ZNF121: variants seen among roughly 807,000 people sequenced by gnomAD.
ZNF121 encodes zinc finger protein 121 (clone ZHC32).
Under a neutral mutation model 2.4 loss-of-function variants are expected in ZNF121, and 1 was observed. That is an observed-to-expected ratio of 0.41 (90% CI 0.15 to 1.94). The LOEUF is 1.94. Ranked by LOEUF, ZNF121 falls within the 30% of genes most tolerant of loss-of-function variation. ZNF121 has a pLI of 0.30. For synonymous variants in ZNF121, 173 were observed against 158.6 expected, an observed-to-expected ratio of 1.09 and a Z score of -0.68; for missense variants, 369 against 466.3, an observed-to-expected ratio of 0.79 and a Z score of 1.92.
intron 1 of ZNF121, among the ~76,000 whole-genome samples, chr19:9,573,235 A>G (rs928942942): frequency 2.6e-5 from 4 of 152,220 alleles, no homozygotes; most frequent in Admixed American, 6.5e-5. Flanking sequence ...AGAATTCAAA[A>G]TAACAGTTTT....
In ZNF121 at chr19:9,560,485, T is replaced by C. The variant is rs937617019; in HGVS notation, c.*5455A>G. On this transcript the variant is annotated 3_prime_UTR_variant, in exon 4 of 4. Coordinates refer to ENST00000320451, the MANE Select transcript of ZNF121 (RefSeq NM_001008727.5). ...TTGCGTGGCTGACACTCAATACCCA[T>C]TGAACAACTCATTTTCTCCTCCACC... 1.3e-5 allele frequency: 2 copies of C among 152,196 alleles called. No homozygotes were observed. The highest frequency in any genetic ancestry group is 2.9e-5 in the Non-Finnish European group (2 of 68,022). The allele number at this position is 152,196 out of a possible 1,614,324, so 9.4% of individuals were successfully genotyped here. A position where few individuals can be genotyped will look rare whatever the true frequency, so the allele number is the denominator to read the frequency against.
Position 9,563,095 on chromosome 19 carries a change from G to A in ZNF121, c.*2845C>T, listed in dbSNP as rs1056615372. On this transcript the variant is annotated 3_prime_UTR_variant, in exon 4 of 4. Coordinates refer to ENST00000320451, the MANE Select transcript of ZNF121 (RefSeq NM_001008727.5). ...AAAAACTGGGATAGGCCAAAATCTAGGCCTCTTGTGCCAGTTAGCCAAGTT... is the reference window on the plus strand; with the variant it reads ...AAAAACTGGGATAGGCCAAAATCTAAGCCTCTTGTGCCAGTTAGCCAAGTT... The A allele has an allele frequency of 1.4e-5, 2 of 146,874 alleles. No homozygotes were observed. Among genetic ancestry groups the A allele is most frequent in the African/African-American group, 2.5e-5 (1 of 40,146 alleles). The allele number at this position is 146,874 out of a possible 1,614,324, so 9.1% of individuals were successfully genotyped here.
At position 9,567,023 on chromosome 19, in the gene ZNF121, C is replaced by G. The variant is rs767342680; in HGVS notation, c.90G>C (p.Met30Ile). The G allele has an allele frequency of 1.8e-5, 29 of 1,614,004 alleles. No individual in the cohort carries two copies. The highest frequency in any genetic ancestry group is 2.5e-5 in the Non-Finnish European group (29 of 1,180,040). Residue 30 changes from methionine (M) to isoleucine (I), a missense_variant, in exon 4 of 4, where the codon ATG (methionine) becomes ATC (isoleucine). This residue lies in a region of ZNF121 where 168 missense variants were observed against 162.3 expected (regional missense o/e 1.03). Coordinates refer to ENST00000320451, the MANE Select transcript of ZNF121 (RefSeq NM_001008727.5). Reference sequence around the variant, plus strand: ...AAGTGTCCCCTGTATTTTCAGTTCCCATGTGTGCATTAAGGCATGAGTGTT... The same window carrying G: ...AAGTGTCCCCTGTATTTTCAGTTCCGATGTGTGCATTAAGGCATGAGTGTT... Reference protein sequence around the residue: ...FSEHSCLNAHMGTENTGDTYD... With the variant: ...FSEHSCLNAHIGTENTGDTYD...
At position 9,565,953 on chromosome 19, in the gene ZNF121, A is replaced by T; in HGVS notation, c.1160T>A (p.Leu387Ter). 6.4e-7 allele frequency: 1 copy of T among 1,559,190 alleles called. No individual in the cohort carries two copies. The highest frequency in any genetic ancestry group is 8.7e-7 in the Non-Finnish European group (1 of 1,153,438). The change falls in exon 4 of 4, where the codon TTA (leucine) becomes TAA (stop). Residue 387 changes from leucine to a stop codon, truncating the protein, a stop_gained. Transcript: ENST00000320451. LOFTEE classifies it high-confidence loss of function. ...YNRFYLLTKH[L>*]KTH ...CAGAGTTTTTCTTCAGTGTGTTTTT[A>T]AATGTTTAGTAAGTAAATAAAATCT...
intron 1 of ZNF121, among the ~76,000 whole-genome samples, chr19:9,574,444 G>A (rs747382734): frequency 2.0e-5 from 3 of 152,004 alleles, no homozygotes; most frequent in Non-Finnish European, 4.4e-5. Flanking sequence ...ACAAGCCACC[G>A]CGCCCGGCCC....
chr19:9,562,206 C>G lies in ZNF121; in HGVS notation c.*3734G>C, dbSNP rs934777623. The G allele has an allele frequency of 2.8e-5, 4 of 143,066 alleles. No homozygotes were observed. The highest frequency in any genetic ancestry group is 7.3e-5 in the Admixed American group (1 of 13,716). 8.9% of individuals were successfully genotyped at this position (143,066 alleles called of 1,614,324 possible). A position where few individuals can be genotyped will look rare whatever the true frequency, so the allele number is the denominator to read the frequency against. On this transcript the variant is annotated 3_prime_UTR_variant, in exon 4 of 4. Coordinates refer to ENST00000320451, the MANE Select transcript of ZNF121 (RefSeq NM_001008727.5). ...TTGAGAAGGAATCTCACTCTGTCAC[C>G]TGGGCTGGAGTGCAGTGGTGTGATC...
intron 1 of ZNF121, among the ~76,000 whole-genome samples, chr19:9,582,718 C>T (rs1302461538): frequency 1.4e-5 from 2 of 147,440 alleles, no homozygotes; most frequent in African/African-American, 5.1e-5. Context: ...CTCTGCACCC[C>T]GACCCGGGTA....
Position 9,573,171 on chromosome 19 carries a change from C to T in ZNF121, c.-159-4089G>A, listed in dbSNP as rs1476349698. Among the ~76,000 whole-genome samples the T allele has an allele frequency of 4.6e-5, 7 of 152,228 alleles. No individual in the cohort carries two copies. The East Asian group carries it at 7.7e-4, about 17-fold the overall frequency. ...GGGAACCACGACCTCCTAAAATGGA[C>T]GAAAATAGTATCAGTGACTGAACCT... On this transcript the variant is annotated intron_variant, in intron 1 of 3. Transcript: ENST00000320451.
intron 1 of ZNF121, among the ~76,000 whole-genome samples, chr19:9,574,535 G>A (rs1458080092): frequency 6.6e-6 from 1 of 152,188 alleles, no homozygotes; most frequent in Non-Finnish European, 1.5e-5. Flanking sequence ...GAACAAAGGA[G>A]ACAGGTTCAT....
At chr19:9,579,553 C>T (rs911787372) in intron 1 of ZNF121, among the ~76,000 whole-genome samples, 3 of 152,126 alleles carry the variant, frequency 2.0e-5, no homozygotes, top group Admixed American at 6.5e-5. Context: ...GGAATTGTGG[C>T]GTGCGCCTGT....
At chr19:9,578,907 GA>G (rs60748864) in intron 1 of ZNF121, among the ~76,000 whole-genome samples, 25,673 of 138,130 alleles carry the variant, frequency 0.19, 3,490 homozygotes, top group African/African-American at 0.4. Flanking sequence ...TAGAGTATGG[GA>G]AAAAAATATT....
intron 1 of ZNF121, among the ~76,000 whole-genome samples, chr19:9,583,609 T>C (rs1014959489): frequency 6.7e-6 from 1 of 149,012 alleles, no homozygotes; most frequent in African/African-American, 2.5e-5. Context: ...GTTCACGCCA[T>C]TCTCCTGCCT....
At chr19:9,570,747 G>GC (rs955468602) in intron 1 of ZNF121, among the ~76,000 whole-genome samples, 1 of 151,660 alleles carries the variant, frequency 6.6e-6, no homozygotes, top group Non-Finnish European at 1.5e-5. Context: ...TTTGCGAGGG[G>GC]GGGGGGTATT....
chr19:9,575,476 G>A (rs1050823343), intron 1 of ZNF121, among the ~76,000 whole-genome samples: 1 of 151,440 alleles, frequency 6.6e-6, no homozygotes, highest in African/African-American at 2.4e-5. Context: ...GGGAGTAGTG[G>A]CTCACACCTG....
In ZNF121 at chr19:9,560,516, G is replaced by C. The variant is rs1272852223; in HGVS notation, c.*5424C>G. ...AACTCATTTTCTCCTCCACCAGCTT[G>C]TGGCAAATACCGCAGTACTTTGTTC... is the stretch of plus-strand genomic sequence containing the variant. On this transcript the variant is annotated 3_prime_UTR_variant, in exon 4 of 4. Transcript: ENST00000320451. 1.3e-5 allele frequency: 2 copies of C among 152,164 alleles called. No individual in the cohort carries two copies. The highest frequency in any genetic ancestry group is 2.9e-5 in the Non-Finnish European group (2 of 68,036). 9.4% of individuals were successfully genotyped at this position (152,164 alleles called of 1,614,324 possible).
Position 9,563,063 on chromosome 19 carries a change from A to C in ZNF121, c.*2877T>G, listed in dbSNP as rs1458321362. 1 of 151,136 alleles carries C rather than the reference A, an allele frequency of 6.6e-6. No individual in the cohort carries two copies. The allele number at this position is 151,136 out of a possible 1,614,324, so 9.4% of individuals were successfully genotyped here. On this transcript the variant is annotated 3_prime_UTR_variant, in exon 4 of 4. Coordinates refer to ENST00000320451, the MANE Select transcript of ZNF121 (RefSeq NM_001008727.5). ...GGGAGACCATGTCTCAAAAAAAAAAAAAAAAAAAAAACTGGGATAGGCCAA... is the reference window on the plus strand; with the variant it reads ...GGGAGACCATGTCTCAAAAAAAAAACAAAAAAAAAAACTGGGATAGGCCAA...
At chr19:9,572,192 C>A (rs1198708655) in intron 1 of ZNF121, among the ~76,000 whole-genome samples, 1 of 152,228 alleles carries the variant, frequency 6.6e-6, no homozygotes, top group East Asian at 1.9e-4. Context: ...AAAATTATCA[C>A]CAGCAATATC....
intron 1 of ZNF121, among the ~76,000 whole-genome samples, chr19:9,583,311 A>C: frequency 6.7e-6 from 1 of 150,294 alleles, no homozygotes; most frequent in Non-Finnish European, 1.5e-5. Flanking sequence ...GATAAAGACA[A>C]CAGCTGTGTA....
Position 9,575,073 on chromosome 19 carries a change from T to A in ZNF121, c.-159-5991A>T, listed in dbSNP as rs1028257051. 5.3e-5 allele frequency among the ~76,000 whole-genome samples: 8 copies of A among 152,168 alleles called. No individual in the cohort carries two copies. The East Asian group carries it at 1.5e-3, about 29-fold the overall frequency. The stretch of plus-strand genomic sequence containing the variant: ...AATTACAGGCATGGGCCACCTTGCT[T>A]AGCTATGGGATGAAATTTTCAAAGT... On this transcript the variant is annotated intron_variant, in intron 1 of 3. Transcript: ENST00000320451.
Sources: gnomAD v4.1 joint callset for allele counts (sites outside exome capture counted in the v4.1 genomes callset) on GRCh38, gnomAD v4.1.1 for gene constraint, gnomAD v4.1.1 regional missense constraint, MANE v1.5 for transcripts, NCBI Gene and HGNC (gene_info 2026-07-23, HGNC 2026-07-21) for gene names.